The following ZNF638 variants were observed in gnomAD, a reference collection of about 807,000 sequenced individuals.
ZNF638 encodes the protein CTCL tumor antigen se33-1.
ZNF638 carries 46 observed loss-of-function variants against 195.6 expected under a neutral mutation model. The observed-to-expected ratio is 0.24, with a 90% CI of 0.19 to 0.30. The LOEUF is 0.30. ZNF638 is among the 10% of genes least tolerant of loss of function. The probability of loss-of-function intolerance (pLI) is 1.00; values close to 1 mark genes in which losing one functional copy is unlikely to be tolerated. For missense variants in ZNF638, 2,440 were observed against 2,325.3 expected (o/e 1.05, Z -1.01); for synonymous variants, 845 against 772.0 (o/e 1.09, Z -1.57).
intron 23 of ZNF638, among the ~76,000 whole-genome samples, chr2:71,426,013 T>A (rs1166944986): frequency 6.6e-6 from 1 of 152,206 alleles, no homozygotes; most frequent in Non-Finnish European, 1.5e-5. Flanking sequence ...CAATATATAC[T>A]GATAAATGGA....
chr2:71,423,454 G>A lies in ZNF638; in HGVS notation c.3940G>A (p.Glu1314Lys), dbSNP rs200049975. The A allele has an allele frequency of 3.7e-6, 6 of 1,609,196 alleles. No homozygotes were observed. The Admixed American group carries it at 5.0e-5, about 14-fold the overall frequency. Residue 1314 changes from glutamate (E) to lysine (K), a missense_variant, in exon 22 of 28, where the codon GAA (glutamate) becomes AAA (lysine). Transcript: ENST00000264447. ...KGNMDEKEEK[E>K]FNTKETRMDL... is the part of the protein sequence containing the mutation. ...TAACATGGATGAAAAGGAGGAGAAGGAATTTAATACTAAGGAAACCAGAAT... is the reference window on the plus strand; with the variant it reads ...TAACATGGATGAAAAGGAGGAGAAGAAATTTAATACTAAGGAAACCAGAAT...
At chr2:71,391,803 C>G (rs1258421218) in intron 10 of ZNF638, among the ~76,000 whole-genome samples, 1 of 152,186 alleles carries the variant, frequency 6.6e-6, no homozygotes, top group Non-Finnish European at 1.5e-5. Flanking sequence ...CTGCCCTAGA[C>G]TCACCCAGGT....
At chr2:71,342,529 T>A (rs923414307) in intron 1 of ZNF638, among the ~76,000 whole-genome samples, 6 of 152,178 alleles carry the variant, frequency 3.9e-5, no homozygotes, top group Non-Finnish European at 7.3e-5. Context: ...CATCTGTGAA[T>A]CTACATAGGT....
At chr2:71,421,518 G>C (rs947907184) in intron 21 of ZNF638, among the ~76,000 whole-genome samples, 2 of 152,064 alleles carry the variant, frequency 1.3e-5, no homozygotes, top group Admixed American at 6.6e-5. Flanking sequence ...AGACCAGTTT[G>C]GTTCAAATGA....
intron 20 of ZNF638, 136 bp from the exon 21 acceptor site, chr2:71,418,466 C>T (rs993786782): frequency 3.7e-6 from 2 of 544,692 alleles, no homozygotes; most frequent in African/African-American, 2.0e-5. Context: ...AATGTAGACA[C>T]TGAAAACTAG....
At chr2:71,387,626 A>G (rs1263306454) in intron 10 of ZNF638, among the ~76,000 whole-genome samples, 1 of 151,228 alleles carries the variant, frequency 6.6e-6, no homozygotes, top group African/African-American at 2.4e-5. Context: ...AGCTGAGATC[A>G]TGCCACTCAG....
chr2:71,407,767 A>T, intron 19 of ZNF638: 1 of 158,642 alleles, frequency 6.3e-6, no homozygotes, highest in Non-Finnish European at 1.4e-5. Context: ...ATGTATGTGG[A>T]ATTATATTTG....
intron 11 of ZNF638, among the ~76,000 whole-genome samples, chr2:71,396,728 T>A (rs2079901883): frequency 1.3e-5 from 2 of 152,164 alleles, no homozygotes; most frequent in African/African-American, 2.4e-5. Flanking sequence ...GTGGATCACC[T>A]GAAGTCAGGA....
chr2:71,332,069 C>T (rs1573003662), intron 1 of ZNF638, among the ~76,000 whole-genome samples, 194 bp downstream of exon 1: 3 of 152,302 alleles, frequency 2.0e-5, no homozygotes, highest in African/African-American at 4.8e-5. Context: ...GGAAGCTGTG[C>T]TGTGCTGCCC....
chr2:71,359,104 A>G (rs1169254004), intron 3 of ZNF638, among the ~76,000 whole-genome samples: 1 of 152,312 alleles, frequency 6.6e-6, no homozygotes, highest in East Asian at 1.9e-4. Context: ...AACTGAATCT[A>G]CAGTATCTCT....
chr2:71,385,796 T>C (rs1476709193), intron 10 of ZNF638, among the ~76,000 whole-genome samples: 3 of 152,194 alleles, frequency 2.0e-5, no homozygotes, highest in Non-Finnish European at 2.9e-5. Context: ...CATGTGAATT[T>C]ACAATTATCT....
At chr2:71,379,089 G>T (rs1186767934) in intron 8 of ZNF638, among the ~76,000 whole-genome samples, 3 of 152,188 alleles carry the variant, frequency 2.0e-5, no homozygotes, top group African/African-American at 7.2e-5. Context: ...GAATGGCAAG[G>T]ACTGAAGCAG....
intron 10 of ZNF638, among the ~76,000 whole-genome samples, chr2:71,389,983 C>T (rs942043988): frequency 6.6e-6 from 1 of 152,158 alleles, no homozygotes; most frequent in Non-Finnish European, 1.5e-5. Flanking sequence ...GCAATAAAGT[C>T]TCCTGAAGTG....
intron 10 of ZNF638, chr2:71,395,300 G>C (rs2079870479): frequency 2.8e-6 from 2 of 717,244 alleles, no homozygotes; most frequent in Middle Eastern, 2.3e-4. Context: ...ACCTGCTGCT[G>C]TGCACATCTG....
intron 10 of ZNF638, among the ~76,000 whole-genome samples, chr2:71,386,814 T>C (rs908179156): frequency 2.6e-5 from 4 of 152,132 alleles, no homozygotes; most frequent in Admixed American, 1.3e-4. Context: ...AAAAATGGCA[T>C]TCTTGGATAG....
In ZNF638 at chr2:71,373,361, C is replaced by CT. The variant is rs533255124; in HGVS notation, c.2265+3357dup. On this transcript the variant is annotated intron_variant, in intron 8 of 27. Coordinates refer to ENST00000264447, the MANE Select transcript of ZNF638 (RefSeq NM_014497.5). Reference sequence around the variant, plus strand: ...GCATGAATATTGTGCATTCTAGACACTAATTTTGCATTGTATGTAAGAAGT... The same window carrying CT: ...GCATGAATATTGTGCATTCTAGACACTTAATTTTGCATTGTATGTAAGAAGT... 3.7e-3 allele frequency among the ~76,000 whole-genome samples: 561 copies of CT among 149,622 alleles called. 1 individual carries two copies. Among genetic ancestry groups the CT allele is most frequent in the African/African-American group, 0.013 (529 of 40,712 alleles).
At chr2:71,414,370 T>C (rs371352893) in intron 20 of ZNF638, among the ~76,000 whole-genome samples, 4 of 10,930 alleles carry the variant, frequency 3.7e-4, no homozygotes, top group African/African-American at 1.6e-3. Flanking sequence ...TCTCTCTTTT[T>C]TTCTTTATTA....
chr2:71,339,111 T>G (rs2078719481), intron 1 of ZNF638, among the ~76,000 whole-genome samples: 1 of 152,006 alleles, frequency 6.6e-6, no homozygotes, highest in South Asian at 2.1e-4. Flanking sequence ...TTGTAAAGAC[T>G]TCAAGGCTTA....
chr2:71,358,499 C>G (rs2079059536), intron 3 of ZNF638, among the ~76,000 whole-genome samples: 1 of 152,226 alleles, frequency 6.6e-6, no homozygotes. Context: ...CTGGTAAGAA[C>G]TGCAACTGGA....
Sources: allele counts gnomAD v4.1 joint callset (sites outside exome capture counted in the v4.1 genomes callset), GRCh38; gene constraint gnomAD v4.1.1; transcripts MANE v1.5; gene names NCBI Gene and HGNC (gene_info 2026-07-23, HGNC 2026-07-21).